The following CCDC32 variants were observed in gnomAD, a reference collection of about 807,000 sequenced individuals.
The protein encoded by CCDC32 is coiled-coil domain containing 32, also known as coiled-coil domain-containing protein 32.
In CCDC32, 9 loss-of-function variants were observed where a neutral mutation model predicts 20.1. The ratio of observed to expected loss-of-function variants is 0.45; its 90% confidence interval spans 0.27 to 0.78. The LOEUF (loss-of-function observed/expected upper bound fraction) is 0.78. Among genes scored for constraint, CCDC32 ranks in the 30% least tolerant of loss-of-function variants. CCDC32 has a pLI of 0.16. For synonymous variants in CCDC32, 63 were observed against 79.0 expected (o/e 0.80, Z 1.07); for missense variants, 204 against 215.5 (o/e 0.95, Z 0.33).
chr15:40,549,054 A>G (rs1889736136), downstream of CCDC32, among the ~76,000 whole-genome samples: 1 of 152,242 alleles, frequency 6.6e-6, no homozygotes, highest in Admixed American at 6.5e-5. Context: ...CATTTCACAT[A>G]GACATGTATC....
chr15:40,543,714 A>G (rs1173571409), intron 3 of CCDC32, among the ~76,000 whole-genome samples: 1 of 152,036 alleles, frequency 6.6e-6, no homozygotes, highest in Non-Finnish European at 1.5e-5. Flanking sequence ...CAGCCTCCCA[A>G]AGTGCTGGGA....
chr15:40,564,808 A>G (rs1890911179), intron 1 of CCDC32, 168 bp downstream of exon 1: 1 of 1,614,100 alleles, frequency 6.2e-7, no homozygotes. Context: ...CAGGGCGTCC[A>G]GAACCACGCA....
At chr15:40,550,076 T>C (rs921624), downstream of CCDC32, among the ~76,000 whole-genome samples, 135,437 of 152,182 alleles carry the variant, frequency 0.89, 60,515 homozygotes, top group Non-Finnish European at 0.93. Flanking sequence ...GCCCTGATCT[T>C]GCCAGGCGCT....
chr15:40,551,843 A>T (rs974538439), downstream of CCDC32, among the ~76,000 whole-genome samples: 4 of 140,752 alleles, frequency 2.8e-5, no homozygotes, highest in African/African-American at 5.2e-5. Context: ...AAAAAGGTTA[A>T]CCATTAGTCA....
downstream of CCDC32, among the ~76,000 whole-genome samples, chr15:40,525,285 C>A (rs1233367374): frequency 6.6e-6 from 1 of 152,132 alleles, no homozygotes; most frequent in African/African-American, 2.4e-5. Context: ...ACCTTCGACT[C>A]CCAAATTGGT....
intron 1 of CCDC32, among the ~76,000 whole-genome samples, chr15:40,564,079 C>G (rs894318904): frequency 6.6e-6 from 1 of 152,158 alleles, no homozygotes; most frequent in Admixed American, 6.5e-5. Flanking sequence ...CTCGGCCTCC[C>G]AAAGTGCTGG....
At chr15:40,528,075 C>T (rs1201210928), downstream of CCDC32, among the ~76,000 whole-genome samples, 7 of 152,182 alleles carry the variant, frequency 4.6e-5, no homozygotes, top group South Asian at 2.1e-4. Context: ...TCAGCCTCAG[C>T]GGTCGATACT....
downstream of CCDC32, among the ~76,000 whole-genome samples, chr15:40,527,730 G>GC (rs535131684): frequency 6.6e-6 from 1 of 152,216 alleles, no homozygotes; most frequent in African/African-American, 2.4e-5. Flanking sequence ...AGCACGTTCA[G>GC]CCCCCTCACC....
intron 1 of CCDC32, 86 bp from the exon 2 acceptor site, chr15:40,563,113 A>G (rs759186844): frequency 2.0e-6 from 3 of 1,476,702 alleles, no homozygotes; most frequent in Non-Finnish European, 2.7e-6. Flanking sequence ...CTGTAATCCC[A>G]ACACTTTGGG....
chr15:40,532,316 G>C (rs1373224351), downstream of CCDC32: 1 of 702,790 alleles, frequency 1.4e-6, no homozygotes, highest in Admixed American at 2.0e-5. Context: ...GAAAAGAAGA[G>C]TACGTAGATT....
At position 40,557,209 on chromosome 15, in the gene CCDC32, C is replaced by T. The variant is rs8028999; in HGVS notation, c.401+7G>A. ...TTTCAGCTGGAACTAGACGGGGAAT[C>T]GATTACCTCTCATCAGAATCAAGTC... is the stretch of plus-strand genomic sequence containing the variant. On this transcript the variant is annotated splice_region_variant and intron_variant, in intron 3 of 3. Coordinates refer to ENST00000416810, the MANE Select transcript of CCDC32 (RefSeq NM_001080792.4). 0.19 allele frequency: 304,710 copies of T among 1,602,664 alleles called. 39,034 individuals are homozygous for T. Among genetic ancestry groups the T allele is most frequent in the East Asian group, 0.68 (30,356 of 44,644 alleles).
Position 40,553,881 on chromosome 15 carries a change from T to TCTGGAC in CCDC32, c.*84_*89dup. On this transcript the variant is annotated 3_prime_UTR_variant, in exon 4 of 4. Coordinates refer to ENST00000416810, the MANE Select transcript of CCDC32 (RefSeq NM_001080792.4). Reference sequence around the variant, plus strand: ...TGTCACTGAGCTCCACGCTGCTCGCTCTGGACCCGAGACAGCTGCTCGGCG... The same window carrying TCTGGAC: ...TGTCACTGAGCTCCACGCTGCTCGCTCTGGACCTGGACCCGAGACAGCTGCTCGGCG... 2 of 1,459,158 alleles carry TCTGGAC rather than the reference T, an allele frequency of 1.4e-6. No individual in the cohort carries two copies. Among genetic ancestry groups the TCTGGAC allele is most frequent in the East Asian group, 4.9e-5 (2 of 41,154 alleles). The allele number at this position is 1,459,158 out of a possible 1,614,324, so 90.4% of individuals were successfully genotyped here.
chr15:40,535,781 A>G (rs1361232329), downstream of CCDC32: 2 of 432,496 alleles, frequency 4.6e-6, no homozygotes, highest in East Asian at 1.6e-4. Context: ...GTTCCACCAT[A>G]TGCTGTCCCT....
intron 3 of CCDC32, among the ~76,000 whole-genome samples, chr15:40,540,913 C>A (rs1889363182): frequency 1.3e-5 from 2 of 152,298 alleles, no homozygotes; most frequent in Non-Finnish European, 2.9e-5. Context: ...AAGACTTGAA[C>A]CCAAGAGAGC....
chr15:40,534,226 G>A (rs1393277669), downstream of CCDC32: 2 of 152,384 alleles, frequency 1.3e-5, no homozygotes, highest in African/African-American at 2.4e-5. Flanking sequence ...TTCCGAGGTT[G>A]GAGTCTGAGA....
At chr15:40,528,777 C>A in exon 4 of CCDC32, 1 of 699,102 alleles carries the variant, frequency 1.4e-6, no homozygotes, top group Non-Finnish European at 2.6e-6. Flanking sequence ...GCACAGATCC[C>A]ATTTCTCAAA....
downstream of CCDC32, among the ~76,000 whole-genome samples, chr15:40,552,551 C>G (rs1205063947): frequency 6.8e-6 from 1 of 148,066 alleles, no homozygotes; most frequent in Non-Finnish European, 1.5e-5. Context: ...TATCACTAAG[C>G]AAGTATATGG....
intron 3 of CCDC32, among the ~76,000 whole-genome samples, chr15:40,546,075 C>G (rs1312860196): frequency 6.6e-6 from 1 of 152,172 alleles, no homozygotes; most frequent in Non-Finnish European, 1.5e-5. Context: ...TTGACCAGTT[C>G]AAGTTCACTG....
chr15:40,542,650 C>T (rs960644481), intron 3 of CCDC32, among the ~76,000 whole-genome samples: 3 of 151,380 alleles, frequency 2.0e-5, no homozygotes, highest in African/African-American at 7.3e-5. Context: ...GGGAGGATCA[C>T]GAGGTCAGGA....
Sources: allele counts gnomAD v4.1 joint callset (sites outside exome capture counted in the v4.1 genomes callset), GRCh38; gene constraint gnomAD v4.1.1; transcripts MANE v1.5; gene names NCBI Gene and HGNC (gene_info 2026-07-23, HGNC 2026-07-21).